Variants in COL22A1 observed in about 807,000 individuals in gnomAD.
COL22A1 encodes collagen type XXII alpha 1 chain.
In COL22A1, 221 loss-of-function variants were observed where a neutral mutation model predicts 248.9. The observed-to-expected ratio is 0.89, with a 90% CI of 0.80 to 0.99. The LOEUF is 0.99. COL22A1 is among the 50% of genes least tolerant of loss of function. COL22A1 has a pLI of 0.00. For missense variants in COL22A1, 2,240 were observed against 2,179.0 expected (o/e 1.03, Z -0.56); for synonymous variants, 891 against 793.4 (o/e 1.12, Z -2.07).
At chr8:138,689,420 G>A (rs1313840477) in intron 36 of COL22A1, among the ~76,000 whole-genome samples, 1 of 152,076 alleles carries the variant, frequency 6.6e-6, no homozygotes. Context: ...GCAATAGTAG[G>A]GAAACAGAGA....
intron 9 of COL22A1, 102 bp downstream of exon 9, chr8:138,811,697 C>T (rs1169075358): frequency 2.1e-6 from 3 of 1,402,050 alleles, no homozygotes; most frequent in Non-Finnish European, 2.0e-6. Flanking sequence ...AGCCATGGGC[C>T]TCCTGGTGCC....
chr8:138,792,342 C>A (rs996448411), intron 12 of COL22A1, among the ~76,000 whole-genome samples: 1 of 152,204 alleles, frequency 6.6e-6, no homozygotes, highest in African/African-American at 2.4e-5. Flanking sequence ...AAAGCTAAGA[C>A]CACTGGCAGG....
intron 16 of COL22A1, among the ~76,000 whole-genome samples, chr8:138,769,666 A>C (rs1013889700): frequency 1.3e-5 from 2 of 152,206 alleles, no homozygotes; most frequent in African/African-American, 4.8e-5. Context: ...TGGCTGCTCC[A>C]TAAAGGCAAC....
chr8:138,881,490 C>G (rs561571797), intron 2 of COL22A1, among the ~76,000 whole-genome samples: 3 of 152,204 alleles, frequency 2.0e-5, no homozygotes, highest in Admixed American at 1.3e-4. Context: ...TCGAGACCGT[C>G]TTGGCTAACA....
chr8:138,797,549 T>C (rs1816651395), intron 11 of COL22A1, among the ~76,000 whole-genome samples: 1 of 152,232 alleles, frequency 6.6e-6, no homozygotes, highest in Non-Finnish European at 1.5e-5. Flanking sequence ...ATAAACATTT[T>C]TGTGAAAGTT....
At chr8:138,854,879 GTGGTAGCAA>G (rs1194625837) in intron 3 of COL22A1, among the ~76,000 whole-genome samples, 1 of 152,006 alleles carries the variant, frequency 6.6e-6, no homozygotes, top group African/African-American at 2.4e-5. Flanking sequence ...GATGGCGACA[GTGGTAGCAA>G]TGGTGGTGAT....
chr8:138,713,140 G>T (rs1347361843), intron 30 of COL22A1, among the ~76,000 whole-genome samples: 1 of 152,162 alleles, frequency 6.6e-6, no homozygotes, highest in African/African-American at 2.4e-5. Context: ...AATTTTTAGA[G>T]ACCTGCTTGG....
chr8:138,616,974 T>G lies in COL22A1; in HGVS notation c.3826-16A>C. On this transcript the variant is annotated splice_polypyrimidine_tract_variant and intron_variant, in intron 53 of 64. Coordinates refer to ENST00000303045, the MANE Select transcript of COL22A1 (RefSeq NM_152888.3). Reference sequence around the variant, plus strand: ...CCTTGAAGCCCTAGAAGGAAGAGAATGGAGTTATTCCATGATAGAGCAGGC... The same window carrying G: ...CCTTGAAGCCCTAGAAGGAAGAGAAGGGAGTTATTCCATGATAGAGCAGGC... 2 of 1,614,108 alleles carry G rather than the reference T, an allele frequency of 1.2e-6. No homozygotes were observed. The highest frequency in any genetic ancestry group is 1.7e-4 in the Middle Eastern group (1 of 6,036).
intron 3 of COL22A1, among the ~76,000 whole-genome samples, chr8:138,862,039 A>AAG (rs1191104016): frequency 3.3e-5 from 5 of 149,886 alleles, no homozygotes; most frequent in Admixed American, 1.3e-4. Flanking sequence ...AAAAAAAAAA[A>AAG]AAAAAAAAGA....
At chr8:138,683,972 T>G (rs1455864150) in intron 39 of COL22A1, among the ~76,000 whole-genome samples, 1 of 152,126 alleles carries the variant, frequency 6.6e-6, no homozygotes, top group Non-Finnish European at 1.5e-5. Context: ...TAGAAATGGC[T>G]GGGTGCACTG....
At chr8:138,888,248 G>A (rs1243589064) in intron 1 of COL22A1, among the ~76,000 whole-genome samples, 5 of 152,172 alleles carry the variant, frequency 3.3e-5, no homozygotes, top group Non-Finnish European at 7.3e-5. Flanking sequence ...CAGGGGGAGG[G>A]AGGATCAAGT....
At chr8:138,862,486 T>C (rs1313944904) in intron 3 of COL22A1, among the ~76,000 whole-genome samples, 1 of 152,094 alleles carries the variant, frequency 6.6e-6, no homozygotes, top group East Asian at 1.9e-4. Flanking sequence ...CCTGGCTGTG[T>C]CCTCAGAAGG....
At position 138,811,856 on chromosome 8, in the gene COL22A1, G is replaced by A. The variant is rs757677319; in HGVS notation, c.1392C>T (p.Gly464=). 22 of 1,602,234 alleles carry A rather than the reference G, an allele frequency of 1.4e-5. No individual in the cohort carries two copies. In the African/African-American group the frequency reaches 2.0e-4, roughly 15 times the overall value. The change falls in exon 9 of 65, where the codon GGC becomes GGT. Residue 464 remains glycine, a synonymous_variant. Transcript: ENST00000303045. ...TCTTCAAAAACCCAATCTGTTCACT[G>A]CCTGGGGTGGGAGGCCGCTGGGGTG... ...PPPPQRPPTP[G]SEQIGFLKTI...
chr8:138,762,560 G>A lies in COL22A1; in HGVS notation c.1804-94C>T, dbSNP rs570352383. 146 of 1,242,708 alleles carry A rather than the reference G, an allele frequency of 1.2e-4. No individual in the cohort carries two copies. In the African/African-American group the frequency reaches 2.0e-3, roughly 17 times the overall value. 77.0% of individuals were successfully genotyped at this position (1,242,708 alleles called of 1,614,324 possible). On this transcript the variant is annotated intron_variant, in intron 16 of 64. Transcript: ENST00000303045. ...CCACAGTGACCGTCATGGACAAGGA[G>A]GGTGGGGAAAAGGTGCCAAACGCAC...
intron 3 of COL22A1, among the ~76,000 whole-genome samples, chr8:138,869,390 G>A (rs1586927451): frequency 6.6e-6 from 1 of 152,204 alleles, no homozygotes; most frequent in East Asian, 1.9e-4. Context: ...GTACCATTGA[G>A]AATGAGATGG....
chr8:138,811,727 C>T, intron 9 of COL22A1, 72 bp downstream of exon 9: 3 of 1,591,090 alleles, frequency 1.9e-6, no homozygotes, highest in Non-Finnish European at 2.6e-6. Flanking sequence ...TGAAAGGCCA[C>T]ATGCATGATG....
chr8:138,898,436 A>T (rs569409830), intron 1 of COL22A1, among the ~76,000 whole-genome samples: 2 of 151,452 alleles, frequency 1.3e-5, no homozygotes, highest in Non-Finnish European at 2.9e-5. Flanking sequence ...CCCAAAAAAT[A>T]GCTAGCTCAG....
At position 138,766,556 on chromosome 8, in the gene COL22A1, G is replaced by C. The variant is rs116949528; in HGVS notation, c.1804-4090C>G. On this transcript the variant is annotated intron_variant, in intron 16 of 64. Transcript: ENST00000303045. The stretch of plus-strand genomic sequence containing the variant: ...GACAAAGAGATGTGAGAGACGGAGA[G>C]AGAGACAGAAAAAGACAGAAGACAG... 4.1e-3 allele frequency among the ~76,000 whole-genome samples: 619 copies of C among 152,194 alleles called. 40 individuals are homozygous for C. The East Asian group carries it at 0.1, about 25-fold the overall frequency.
chr8:138,590,486 G>A (rs1816949748), intron 64 of COL22A1, among the ~76,000 whole-genome samples: 1 of 151,930 alleles, frequency 6.6e-6, no homozygotes, highest in East Asian at 1.9e-4. Flanking sequence ...TCTTTTAAAA[G>A]TTATTCTTAA....
Sources: gnomAD v4.1 joint callset for allele counts (sites outside exome capture counted in the v4.1 genomes callset) on GRCh38, gnomAD v4.1.1 for gene constraint, MANE v1.5 for transcripts, NCBI Gene and HGNC (gene_info 2026-07-23, HGNC 2026-07-21) for gene names.